EDIL3: variants seen among roughly 807,000 people sequenced by gnomAD.
EDIL3 encodes the protein EGF-like repeat and discoidin I-like domain-containing protein 3.
A neutral mutation model predicts 67.4 loss-of-function variants in EDIL3; 37 were observed. That is an observed-to-expected ratio of 0.55 (90% confidence interval 0.42 to 0.72). The LOEUF (loss-of-function observed/expected upper bound fraction) is 0.72. Ranked by LOEUF, EDIL3 falls within the 30% of genes least tolerant of loss-of-function variation. EDIL3 has a pLI of 0.00. For synonymous variants in EDIL3, 195 were observed against 196.3 expected (o/e 0.99, Z 0.05); for missense variants, 527 against 586.3 (o/e 0.90, Z 1.04).
chr5:84,034,967 T>C (rs926470288), intron 9 of EDIL3, among the ~76,000 whole-genome samples: 4 of 152,124 alleles, frequency 2.6e-5, no homozygotes, highest in African/African-American at 9.7e-5. Flanking sequence ...AAGACAAATT[T>C]TATGATGATT....
At chr5:84,064,891 C>T (rs1290478779) in intron 7 of EDIL3, 47 bp from the exon 8 acceptor site, 1 of 1,567,704 alleles carries the variant, frequency 6.4e-7, no homozygotes, top group Admixed American at 1.8e-5. Flanking sequence ...GCTTATTTAC[C>T]TATTTTTACA....
chr5:84,344,655 TC>T (rs1221637060), intron 1 of EDIL3, among the ~76,000 whole-genome samples: 1 of 152,114 alleles, frequency 6.6e-6, no homozygotes, highest in Non-Finnish European at 1.5e-5. Flanking sequence ...ATGTAATATG[TC>T]ATTAATGTTT....
intron 3 of EDIL3, among the ~76,000 whole-genome samples, chr5:84,215,515 G>A (rs1398775279): frequency 6.6e-6 from 1 of 152,190 alleles, no homozygotes; most frequent in Non-Finnish European, 1.5e-5. Flanking sequence ...GCCTCCCAAA[G>A]TGCTGGGATT....
intron 10 of EDIL3, among the ~76,000 whole-genome samples, chr5:83,950,221 C>T (rs532485977): frequency 2.0e-5 from 3 of 151,858 alleles, no homozygotes; most frequent in East Asian, 2.0e-4. Context: ...TCGTGATAAA[C>T]GATAACTGTA....
rs1746861805 is a variant in EDIL3 at position 84,331,080 on chromosome 5, T to C, written c.67+53228A>G. 3.3e-5 allele frequency among the ~76,000 whole-genome samples: 5 copies of C among 152,226 alleles called. No homozygotes were observed. In the South Asian group the frequency reaches 8.3e-4, roughly 25 times the overall value. ...CCCCTATGTTTTGGCCAATTTCTCC[T>C]ATTTGAAATGGGCGTATTTACCAAA... On this transcript the variant is annotated intron_variant, in intron 1 of 10. Coordinates refer to ENST00000296591, the MANE Select transcript of EDIL3 (RefSeq NM_005711.5).
At chr5:83,960,807 C>A (rs1744593920) in intron 10 of EDIL3, among the ~76,000 whole-genome samples, 1 of 150,536 alleles carries the variant, frequency 6.6e-6, no homozygotes, top group South Asian at 2.1e-4. Context: ...ATAGGAATAA[C>A]AAAAATAGAT....
intron 4 of EDIL3, among the ~76,000 whole-genome samples, chr5:84,154,847 C>T (rs1428819746): frequency 6.6e-6 from 1 of 151,646 alleles, no homozygotes; most frequent in Non-Finnish European, 1.5e-5. Context: ...TTACAAGCGC[C>T]CGCCACCACG....
At chr5:83,985,955 G>A (rs3822643) in intron 9 of EDIL3, among the ~76,000 whole-genome samples, 1 of 151,826 alleles carries the variant, frequency 6.6e-6, no homozygotes, top group South Asian at 2.1e-4. Flanking sequence ...TTACTTTAAA[G>A]GTTTACAGTG....
chr5:84,300,649 A>G (rs1490308844), intron 1 of EDIL3, among the ~76,000 whole-genome samples: 1 of 152,224 alleles, frequency 6.6e-6, no homozygotes, highest in Non-Finnish European at 1.5e-5. Flanking sequence ...ATTCTAACAA[A>G]TAGCACAGAA....
rs569373300 is a variant in EDIL3, at chr5:83,971,345, T to C, written c.1138-7985A>G. 2.6e-5 allele frequency among the ~76,000 whole-genome samples: 4 copies of C among 151,416 alleles called. No individual in the cohort carries two copies. The East Asian group carries it at 7.9e-4, about 30-fold the overall frequency. Reference sequence around the variant, plus strand: ...CAAGTTAGAGTGAAGTGCATGATCATAGGTCATTGCAGCCTCAAACTCCTA... The same window carrying C: ...CAAGTTAGAGTGAAGTGCATGATCACAGGTCATTGCAGCCTCAAACTCCTA... On this transcript the variant is annotated intron_variant, in intron 9 of 10. Transcript: ENST00000296591.
In EDIL3 at chr5:84,254,288, A is replaced by C; in HGVS notation, c.68-76T>G. ...TTGAAACATACTAGTTTACTTTGCTATGGATGTTCCCTTGGCAAAGTCAAA... is the reference window on the plus strand; with the variant it reads ...TTGAAACATACTAGTTTACTTTGCTCTGGATGTTCCCTTGGCAAAGTCAAA... On this transcript the variant is annotated intron_variant, in intron 1 of 10. Transcript: ENST00000296591. 3 of 1,482,990 alleles carry C rather than the reference A, an allele frequency of 2.0e-6. No individual in the cohort carries two copies. In the South Asian group the frequency reaches 4.3e-5, roughly 21 times the overall value. The allele number at this position is 1,482,990 out of a possible 1,614,324, so 91.9% of individuals were successfully genotyped here.
At chr5:84,335,484 C>G (rs1040425860) in intron 1 of EDIL3, among the ~76,000 whole-genome samples, 2 of 152,040 alleles carry the variant, frequency 1.3e-5, no homozygotes, top group Non-Finnish European at 2.9e-5. Context: ...AAGCCCTAAC[C>G]TAGGCACTGA....
At chr5:84,073,925 T>A (rs940004530) in intron 6 of EDIL3, among the ~76,000 whole-genome samples, 6 of 151,734 alleles carry the variant, frequency 4.0e-5, no homozygotes, top group African/African-American at 1.5e-4. Context: ...GCTGGAGGCA[T>A]CACGCTACCT....
chr5:84,097,484 T>C (rs1172656730), intron 6 of EDIL3, among the ~76,000 whole-genome samples: 2 of 152,208 alleles, frequency 1.3e-5, no homozygotes, highest in African/African-American at 4.8e-5. Context: ...GCTGTTTGGA[T>C]ATAATATAAT....
At position 84,278,797 on chromosome 5, in the gene EDIL3, C is replaced by T. The variant is rs374443834; in HGVS notation, c.68-24585G>A. Among the ~76,000 whole-genome samples, 8 of 150,416 alleles carry T rather than the reference C, an allele frequency of 5.3e-5. No homozygotes were observed. In the East Asian group the frequency reaches 1.2e-3, roughly 22 times the overall value. ...CTCCTCTCCCAGAGGACCAAGTATT[C>T]CCCATCCTGACTCCTCCTGTTCTCT... is the stretch of plus-strand genomic sequence containing the variant. On this transcript the variant is annotated intron_variant, in intron 1 of 10. Coordinates refer to ENST00000296591, the MANE Select transcript of EDIL3 (RefSeq NM_005711.5).
intron 9 of EDIL3, among the ~76,000 whole-genome samples, chr5:84,027,142 C>T (rs1745830139): frequency 6.6e-6 from 1 of 152,072 alleles, no homozygotes; most frequent in African/African-American, 2.4e-5. Flanking sequence ...CTTGCTTTAG[C>T]TCTGGTGTCC....
chr5:83,981,451 T>C (rs1428802490), intron 9 of EDIL3, among the ~76,000 whole-genome samples: 1 of 152,106 alleles, frequency 6.6e-6, no homozygotes, highest in Non-Finnish European at 1.5e-5. Flanking sequence ...TAAAACAGTA[T>C]ATTGTGAACT....
At chr5:84,135,861 CAG>C (rs1170420658) in intron 5 of EDIL3, among the ~76,000 whole-genome samples, 2 of 151,778 alleles carry the variant, frequency 1.3e-5, no homozygotes, top group Non-Finnish European at 1.5e-5. Flanking sequence ...CTATGATATT[CAG>C]AGTTTAATTA....
chr5:84,210,574 T>TA lies in EDIL3; in HGVS notation c.226+19280dup, dbSNP rs1242541014. Among the ~76,000 whole-genome samples the TA allele has an allele frequency of 4.4e-4, 66 of 151,334 alleles. 1 individual carries two copies. The highest frequency in any genetic ancestry group is 1.2e-3 in the African/African-American group (48 of 41,326). On this transcript the variant is annotated intron_variant, in intron 3 of 10. Transcript: ENST00000296591. ...TTATCTGTTTTTCTCTCTCCAGAAT[T>TA]AAAAAAAAACATATAAGCATATATA... is the stretch of plus-strand genomic sequence containing the variant.
Sources: allele counts gnomAD v4.1 joint callset (sites outside exome capture counted in the v4.1 genomes callset), GRCh38; gene constraint gnomAD v4.1.1; transcripts MANE v1.5; gene names NCBI Gene and HGNC (gene_info 2026-07-23, HGNC 2026-07-21).